The following PTGIS variants were observed in gnomAD, a reference collection of about 807,000 sequenced individuals.
PTGIS encodes the protein prostacyclin synthase.
In PTGIS, 45 loss-of-function variants were observed where a neutral mutation model predicts 50.3. That is an observed-to-expected ratio of 0.90 (90% CI 0.70 to 1.15). The LOEUF (loss-of-function observed/expected upper bound fraction) is 1.15. Among genes scored for constraint, PTGIS ranks in the 50% most tolerant of loss-of-function variants. The pLI, the probability that PTGIS is intolerant of heterozygous loss-of-function variation, is 0.00. For missense variants in PTGIS, 668 were observed against 661.3 expected (o/e 1.01, Z -0.11); for synonymous variants, 260 against 267.7 (o/e 0.97, Z 0.28).
chr20:49,524,114 C>G lies in PTGIS; in HGVS notation c.799G>C (p.Gly267Arg). ...CGTGCCTGCATCTCCTCTGACACAC[C>G]CATCTCCTCCAGGTGCAGCAGGTAA... is the stretch of plus-strand genomic sequence containing the variant. ...ESYLLHLEEMGVSEEMQARAL... is the reference protein window; with the variant it reads ...ESYLLHLEEMRVSEEMQARAL... The change falls in exon 6 of 10, where the codon GGT becomes CGT. Residue 267 changes from glycine to arginine, a missense_variant. By Grantham distance (125) the Gly-to-Arg change is moderately radical. Transcript: ENST00000244043. The G allele has an allele frequency of 2.5e-6, 4 of 1,614,228 alleles. No homozygotes were observed. Among genetic ancestry groups the G allele is most frequent in the Non-Finnish European group, 3.4e-6 (4 of 1,180,040 alleles).
chr20:49,520,663 GTTTATTTA>G (rs762097005), intron 6 of PTGIS, among the ~76,000 whole-genome samples: 3 of 151,788 alleles, frequency 2.0e-5, no homozygotes. Context: ...TTACTTGTTT[GTTTATTTA>G]TTTATTTATT....
chr20:49,548,172 G>A (rs1982414059), intron 2 of PTGIS, among the ~76,000 whole-genome samples, 153 bp from the exon 3 acceptor site: 1 of 152,144 alleles, frequency 6.6e-6, no homozygotes, highest in South Asian at 2.1e-4. Context: ...CTACCACCCT[G>A]TGAGGTAGGG....
chr20:49,560,723 A>G (rs1982750134), intron 1 of PTGIS, among the ~76,000 whole-genome samples: 1 of 152,130 alleles, frequency 6.6e-6, no homozygotes, highest in South Asian at 2.1e-4. Context: ...GTGCAAAGGT[A>G]CTGGGGTGGG....
intron 8 of PTGIS, 100 bp downstream of exon 8, chr20:49,512,980 A>G: frequency 6.9e-7 from 1 of 1,449,536 alleles, no homozygotes; most frequent in South Asian, 1.2e-5. Context: ...CACATAGCAA[A>G]CAAAGAGCAG....
At chr20:49,546,333 G>A (rs898903736) in intron 3 of PTGIS, among the ~76,000 whole-genome samples, 3 of 152,174 alleles carry the variant, frequency 2.0e-5, no homozygotes, top group African/African-American at 4.8e-5. Flanking sequence ...GGACCCCCAG[G>A]GTCCCCCTGG....
chr20:49,521,211 C>T (rs927233385), intron 6 of PTGIS, among the ~76,000 whole-genome samples: 3 of 152,202 alleles, frequency 2.0e-5, no homozygotes, highest in African/African-American at 4.8e-5. Flanking sequence ...CTACCATCTC[C>T]ATTTTACAGA....
At chr20:49,536,430 C>T (rs1982068945) in intron 5 of PTGIS, among the ~76,000 whole-genome samples, 2 of 151,538 alleles carry the variant, frequency 1.3e-5, no homozygotes, top group South Asian at 4.2e-4. Context: ...AAGTGCTCAG[C>T]AAACAGTGCT....
chr20:49,559,926 C>CT (rs58437903), intron 1 of PTGIS, among the ~76,000 whole-genome samples: 464 of 142,616 alleles, frequency 3.3e-3, no homozygotes, highest in South Asian at 0.011. Flanking sequence ...GAATTATACA[C>CT]TTTTTTTTTT....
chr20:49,537,635 A>G lies in PTGIS; in HGVS notation c.673+1935T>C, dbSNP rs1307373926. Among the ~76,000 whole-genome samples, 4 of 152,152 alleles carry G rather than the reference A, an allele frequency of 2.6e-5. 1 individual carries two copies. The highest frequency in any genetic ancestry group is 4.8e-5 in the African/African-American group (2 of 41,444). On this transcript the variant is annotated intron_variant, in intron 5 of 9. Coordinates refer to ENST00000244043, the MANE Select transcript of PTGIS (RefSeq NM_000961.4). ...CCAGGCGTGGTGGTGCGTGCCTGTA[A>G]TCCCAGCTACTCAGGAGGCTGAGGC...
intron 4 of PTGIS, among the ~76,000 whole-genome samples, chr20:49,542,102 G>T (rs945226749): frequency 6.6e-6 from 1 of 152,214 alleles, no homozygotes; most frequent in Admixed American, 6.5e-5. Context: ...GCCACAAAGA[G>T]AGAGCGTGCC....
intron 2 of PTGIS, among the ~76,000 whole-genome samples, chr20:49,548,738 G>A (rs975928406): frequency 6.0e-5 from 9 of 150,642 alleles, no homozygotes; most frequent in Non-Finnish European, 1.2e-4. Flanking sequence ...AGGGAGGGAG[G>A]AAGGAAGGAA....
At chr20:49,534,139 C>G (rs546465811) in intron 5 of PTGIS, among the ~76,000 whole-genome samples, 40 of 152,156 alleles carry the variant, frequency 2.6e-4, no homozygotes, top group Non-Finnish European at 4.7e-4. Flanking sequence ...TTTAATCAGC[C>G]CTTACTGATG....
At position 49,540,805 on chromosome 20, in the gene PTGIS, G is replaced by A. The variant is rs1362547420; in HGVS notation, c.522-1084C>T. Among the ~76,000 whole-genome samples, 3 of 152,284 alleles carry A rather than the reference G, an allele frequency of 2.0e-5. No homozygotes were observed. Among genetic ancestry groups the A allele is most frequent in the African/African-American group, 7.2e-5 (3 of 41,552 alleles). Reference sequence around the variant, plus strand: ...GAGGGAAACTGCAGGCTTTCATTTTGTCATCTCTGCCTCAGCAGAGAGTCA... The same window carrying A: ...GAGGGAAACTGCAGGCTTTCATTTTATCATCTCTGCCTCAGCAGAGAGTCA... On this transcript the variant is annotated intron_variant, in intron 4 of 9. Coordinates refer to ENST00000244043, the MANE Select transcript of PTGIS (RefSeq NM_000961.4). This position sits in a 1 kb window ranked among gnomAD's most constrained non-coding sequence, Gnocchi z 4.8.
Position 49,566,707 on chromosome 20 carries a change from C to T in PTGIS, c.74+1336G>A, listed in dbSNP as rs1040415149. Among the ~76,000 whole-genome samples, 36 of 152,164 alleles carry T rather than the reference C, an allele frequency of 2.4e-4. 1 individual carries two copies. Among genetic ancestry groups the T allele is most frequent in the Admixed American group, 2.2e-3 (33 of 15,280 alleles). On this transcript the variant is annotated intron_variant, in intron 1 of 9. Coordinates refer to ENST00000244043, the MANE Select transcript of PTGIS (RefSeq NM_000961.4). ...CTCTGTATTAGCTACAAGCTCATGT[C>T]TATGTATGTAAGAGTAATTTTTATG...
At chr20:49,532,008 T>C (rs1981947505) in intron 5 of PTGIS, among the ~76,000 whole-genome samples, 2 of 152,166 alleles carry the variant, frequency 1.3e-5, no homozygotes, top group African/African-American at 2.4e-5. Context: ...CAGGGAGTTA[T>C]GGAGCATTTG....
chr20:49,509,391 C>A (rs1381994669), intron 9 of PTGIS, among the ~76,000 whole-genome samples: 1 of 152,228 alleles, frequency 6.6e-6, no homozygotes, highest in Non-Finnish European at 1.5e-5. Flanking sequence ...TTTATTGGAA[C>A]ACTGTGCGCT....
chr20:49,517,154 C>T (rs529779881), intron 6 of PTGIS, among the ~76,000 whole-genome samples: 6 of 152,372 alleles, frequency 3.9e-5, no homozygotes, highest in East Asian at 3.9e-4. Context: ...GGGGGGCCTC[C>T]GGCCCTTTCT....
At chr20:49,508,546 A>G (rs1422773410) in intron 9 of PTGIS, among the ~76,000 whole-genome samples, 2 of 152,034 alleles carry the variant, frequency 1.3e-5, no homozygotes, top group African/African-American at 4.8e-5. Context: ...GCCTGTGCTG[A>G]TTAATACGGC....
intron 5 of PTGIS, among the ~76,000 whole-genome samples, chr20:49,533,646 T>G (rs984452704): frequency 1.3e-5 from 2 of 152,086 alleles, no homozygotes; most frequent in Non-Finnish European, 2.9e-5. Context: ...AAGGCAAAAA[T>G]CTATACATAC....
Sources: gnomAD v4.1 joint callset for allele counts (sites outside exome capture counted in the v4.1 genomes callset) on GRCh38, gnomAD v4.1.1 for gene constraint, Gnocchi (gnomAD v3.1) non-coding constraint, MANE v1.5 for transcripts, NCBI Gene and HGNC (gene_info 2026-07-23, HGNC 2026-07-21) for gene names.